Variants in PTPRD observed in about 807,000 individuals in gnomAD.
The protein encoded by PTPRD is protein tyrosine phosphatase receptor type D, also known as receptor-type tyrosine-protein phosphatase delta.
Under a neutral mutation model 214.5 loss-of-function variants are expected in PTPRD, and 34 were observed. The ratio of observed to expected loss-of-function variants is 0.16; its 90% confidence interval spans 0.12 to 0.21. The LOEUF (loss-of-function observed/expected upper bound fraction) is 0.21. PTPRD is among the 10% of genes least tolerant of loss of function. The pLI, the probability that PTPRD is intolerant of heterozygous loss-of-function variation, is 1.00. For synonymous variants in PTPRD, 1,128 were observed against 845.7 expected (o/e 1.33, Z -5.79); for missense variants, 2,545 against 2,398.7 (o/e 1.06, Z -1.27).
chr9:9,859,558 C>T (rs554838632), intron 5 of PTPRD, among the ~76,000 whole-genome samples: 1 of 152,242 alleles, frequency 6.6e-6, no homozygotes, highest in East Asian at 1.9e-4. Flanking sequence ...CCACATAACT[C>T]CCCCCACCTT....
chr9:9,983,254 A>G (rs952736236), intron 4 of PTPRD, among the ~76,000 whole-genome samples: 1 of 152,326 alleles, frequency 6.6e-6, no homozygotes, highest in Admixed American at 6.5e-5. Context: ...TGGTGGCAGT[A>G]GCAGCCTCCT....
intron 11 of PTPRD, among the ~76,000 whole-genome samples, chr9:8,836,456 T>C (rs984048765): frequency 1.3e-5 from 2 of 152,074 alleles, no homozygotes; most frequent in Non-Finnish European, 2.9e-5. Context: ...ACTCGACAAC[T>C]GATTATATTC....
intron 3 of PTPRD, among the ~76,000 whole-genome samples, chr9:10,339,627 A>G (rs1338849642): frequency 1.3e-5 from 2 of 151,684 alleles, no homozygotes; most frequent in African/African-American, 2.4e-5. Flanking sequence ...AGAAAAGGGC[A>G]TTTGGGATGA....
intron 14 of PTPRD, among the ~76,000 whole-genome samples, chr9:8,595,875 A>C (rs2154269461): frequency 6.6e-6 from 1 of 152,294 alleles, no homozygotes; most frequent in Admixed American, 6.5e-5. Context: ...GGTGTAAGTT[A>C]GTATGTCTTC....
intron 3 of PTPRD, among the ~76,000 whole-genome samples, chr9:10,335,967 A>G (rs1434928063): frequency 6.6e-6 from 1 of 151,882 alleles, no homozygotes; most frequent in Admixed American, 6.6e-5. Flanking sequence ...GTGGAACAAC[A>G]GGAACACTCA....
intron 10 of PTPRD, among the ~76,000 whole-genome samples, chr9:9,056,220 A>G (rs2154397739): frequency 6.6e-6 from 1 of 152,334 alleles, no homozygotes; most frequent in South Asian, 2.1e-4. Flanking sequence ...TAACTTTACA[A>G]GGAATAATGC....
intron 5 of PTPRD, among the ~76,000 whole-genome samples, chr9:9,774,108 A>C (rs1332638121): frequency 6.6e-6 from 1 of 152,204 alleles, no homozygotes; most frequent in Non-Finnish European, 1.5e-5. Context: ...AAAATGAGTT[A>C]TACTGACAAT....
At chr9:8,456,310 A>G (rs1288253853) in intron 33 of PTPRD, among the ~76,000 whole-genome samples, 1 of 152,174 alleles carries the variant, frequency 6.6e-6, no homozygotes, top group Non-Finnish European at 1.5e-5. Context: ...GTGATCCTAA[A>G]GCAGCCCGAA....
intron 10 of PTPRD, among the ~76,000 whole-genome samples, chr9:9,082,642 T>G (rs997509211): frequency 2.0e-5 from 3 of 151,982 alleles, no homozygotes; most frequent in African/African-American, 7.2e-5. Context: ...GATTGTATAT[T>G]TAGAAAACCC....
chr9:9,439,402 A>G (rs2144204377), intron 8 of PTPRD, among the ~76,000 whole-genome samples: 1 of 152,280 alleles, frequency 6.6e-6, no homozygotes, highest in Admixed American at 6.5e-5. Context: ...TTATCTAACA[A>G]TTTATCAGGT....
At chr9:8,325,907 G>T (rs1490774020) in intron 44 of PTPRD, among the ~76,000 whole-genome samples, 1 of 152,118 alleles carries the variant, frequency 6.6e-6, no homozygotes, top group Non-Finnish European at 1.5e-5. Context: ...TGTGATTTTT[G>T]CACATTGATT....
At chr9:10,115,190 A>C (rs1397473219) in intron 3 of PTPRD, among the ~76,000 whole-genome samples, 1 of 152,106 alleles carries the variant, frequency 6.6e-6, no homozygotes, top group Admixed American at 6.6e-5. Flanking sequence ...CTAGAAATTT[A>C]AAAATGTGGA....
At chr9:8,455,078 C>A (rs1429442553) in intron 33 of PTPRD, among the ~76,000 whole-genome samples, 1 of 152,110 alleles carries the variant, frequency 6.6e-6, no homozygotes, top group Admixed American at 6.6e-5. Flanking sequence ...AAAATATCTG[C>A]AAATTGTATT....
At chr9:8,813,186 G>T (rs989694578) in intron 11 of PTPRD, among the ~76,000 whole-genome samples, 1 of 151,950 alleles carries the variant, frequency 6.6e-6, no homozygotes, top group Non-Finnish European at 1.5e-5. Context: ...TTTCATTAAT[G>T]ACCTGGAGGG....
intron 11 of PTPRD, among the ~76,000 whole-genome samples, chr9:8,836,365 G>C (rs1193075486): frequency 6.6e-6 from 1 of 151,974 alleles, no homozygotes; most frequent in African/African-American, 2.4e-5. Flanking sequence ...AGAGATACTG[G>C]TTAATCACTG....
intron 2 of PTPRD, among the ~76,000 whole-genome samples, chr9:10,432,299 G>A (rs1237210358): frequency 9.1e-6 from 1 of 109,410 alleles, no homozygotes; most frequent in Non-Finnish European, 1.8e-5. Flanking sequence ...GGTGGGGGGA[G>A]GGGGGAGGGA....
intron 3 of PTPRD, among the ~76,000 whole-genome samples, chr9:10,191,017 A>G (rs2099361570): frequency 1.3e-5 from 2 of 152,252 alleles, no homozygotes; most frequent in Non-Finnish European, 2.9e-5. Context: ...AGATTGGACC[A>G]CTTCACTAAT....
At chr9:8,963,751 C>G (rs2099170981) in intron 11 of PTPRD, among the ~76,000 whole-genome samples, 2 of 151,758 alleles carry the variant, frequency 1.3e-5, no homozygotes, top group Admixed American at 1.3e-4. Flanking sequence ...TTCTGAGTAG[C>G]TGGGCTACAG....
chr9:9,532,808 AAAAGTACTTACAACTGTC>A (rs1486244876), intron 8 of PTPRD, among the ~76,000 whole-genome samples: 2 of 152,182 alleles, frequency 1.3e-5, no homozygotes, highest in African/African-American at 2.4e-5. Context: ...AATCATTGAA[AAAAGTACTTACAACTGTC>A]AAATTATCTT....
Sources: gnomAD v4.1 joint callset for allele counts (sites outside exome capture counted in the v4.1 genomes callset) on GRCh38, gnomAD v4.1.1 for gene constraint, MANE v1.5 for transcripts, NCBI Gene and HGNC (gene_info 2026-07-23, HGNC 2026-07-21) for gene names.